IQANK1: variants seen among roughly 807,000 people sequenced by gnomAD.
IQANK1 encodes the protein IQ motif and ankyrin repeat containing 1, also known as IQ motif and ankyrin repeat domain-containing protein 1.
IQANK1 carries 30 observed loss-of-function variants against 22.6 expected under a neutral mutation model. That is an observed-to-expected ratio of 1.33 (90% CI 0.99 to 1.80). IQANK1 has a LOEUF of 1.80. IQANK1 is among the 40% of genes most tolerant of loss of function. The probability of loss-of-function intolerance (pLI) is 0.00; values close to 1 mark genes in which losing one functional copy is unlikely to be tolerated. For missense variants in IQANK1, 275 were observed against 235.2 expected (o/e 1.17, Z -1.11); for synonymous variants, 122 against 99.6 (o/e 1.23, Z -1.34).
At chr8:143,743,067 T>C in intron 3 of IQANK1, 1 of 455,792 alleles carries the variant, frequency 2.2e-6, no homozygotes, top group Non-Finnish European at 4.4e-6. Context: ...CCGTTGCTGC[T>C]ATAGCAGCCA....
chr8:143,749,969 T>G (rs1819156323), intron 3 of IQANK1, among the ~76,000 whole-genome samples: 1 of 151,874 alleles, frequency 6.6e-6, no homozygotes, highest in African/African-American at 2.4e-5. Flanking sequence ...CTTCTTTGTC[T>G]CTTGTGAACT....
chr8:143,779,168 C>T lies in IQANK1; in HGVS notation c.789+6686C>T, dbSNP rs1041602095. Among the ~76,000 whole-genome samples, 4 of 152,168 alleles carry T rather than the reference C, an allele frequency of 2.6e-5. No individual in the cohort carries two copies. In the South Asian group the frequency reaches 6.2e-4, roughly 24 times the overall value. On this transcript the variant is annotated intron_variant, in intron 7 of 13. Transcript: ENST00000527139. The stretch of plus-strand genomic sequence containing the variant: ...AATTTATAAACTTATAAGCTATCCA[C>T]TCATTAATGTGCCCATTCCACCCTT...
At chr8:143,753,449 G>A (rs1819234010) in intron 3 of IQANK1, among the ~76,000 whole-genome samples, 1 of 150,750 alleles carries the variant, frequency 6.6e-6, no homozygotes, top group South Asian at 2.1e-4. Context: ...TTATTTTTAG[G>A]GAAAGTTTCT....
At chr8:143,749,919 A>G (rs143371380) in intron 3 of IQANK1, among the ~76,000 whole-genome samples, 79 of 151,776 alleles carry the variant, frequency 5.2e-4, no homozygotes, top group African/African-American at 1.7e-3. Context: ...TAGTTATTAT[A>G]TATTCTTGCT....
At chr8:143,739,624 G>T (rs1239651138) in intron 2 of IQANK1, 10 of 420,202 alleles carry the variant, frequency 2.4e-5, no homozygotes, top group African/African-American at 1.4e-4. Context: ...GTGCCTTCCT[G>T]CGGGCTGGCT....
intron 3 of IQANK1, among the ~76,000 whole-genome samples, chr8:143,747,966 T>TCCTTTCCTTTCCTTTCCTTTCCTTTC (rs1554627406): frequency 7.2e-6 from 1 of 138,930 alleles, no homozygotes; most frequent in African/African-American, 3.0e-5. Context: ...TCCTTTCCTT[T>TCCTTTCCTTTCCTTTCCTTTCCTTTC]CCTTTCCCTT....
intron 3 of IQANK1, chr8:143,744,325 C>T (rs1252756531): frequency 7.2e-5 from 11 of 152,640 alleles, no homozygotes; most frequent in East Asian, 1.9e-4. Flanking sequence ...GACATTATTC[C>T]GCCCACCAGA....
chr8:143,771,792 G>A lies in IQANK1; in HGVS notation c.307-9G>A. 5.0e-6 allele frequency: 2 copies of A among 396,714 alleles called. No individual in the cohort carries two copies. The highest frequency in any genetic ancestry group is 1.3e-4 in the South Asian group (1 of 7,798). 24.6% of individuals were successfully genotyped at this position (396,714 alleles called of 1,614,324 possible). A position where few individuals can be genotyped will look rare whatever the true frequency, so the allele number is the denominator to read the frequency against. On this transcript the variant is annotated splice_polypyrimidine_tract_variant and intron_variant, in intron 4 of 13. Transcript: ENST00000527139. The surrounding 1 kb of genome is among the most constrained non-coding windows in gnomAD (Gnocchi z 6.0). The stretch of plus-strand genomic sequence containing the variant: ...GGAGTGGGCGGTGACTTCGGCGGGC[G>A]CCTCCCAGGCCTACCTGGCTCCGGT...
chr8:143,767,136 G>A (rs1356580582), intron 3 of IQANK1, among the ~76,000 whole-genome samples: 3 of 152,158 alleles, frequency 2.0e-5, no homozygotes, highest in Non-Finnish European at 4.4e-5. Flanking sequence ...TGGCTCTTTC[G>A]CAGATACATT....
At position 143,771,659 on chromosome 8, in the gene IQANK1, G is replaced by A; in HGVS notation, c.306+41G>A. On this transcript the variant is annotated intron_variant, in intron 4 of 13. Transcript: ENST00000527139. This position sits in a 1 kb window ranked among gnomAD's most constrained non-coding sequence, Gnocchi z 6.0. ...CGCAACAGCCGGGGGCCAGGCAGGAGGCAGGGGGAGGAAATGGCGAAGCAG... is the reference window on the plus strand; with the variant it reads ...CGCAACAGCCGGGGGCCAGGCAGGAAGCAGGGGGAGGAAATGGCGAAGCAG... 10 of 399,714 alleles carry A rather than the reference G, an allele frequency of 2.5e-5. No homozygotes were observed. The highest frequency in any genetic ancestry group is 3.5e-5 in the Non-Finnish European group (8 of 227,062). 24.8% of individuals were successfully genotyped at this position (399,714 alleles called of 1,614,324 possible).
At chr8:143,734,974 C>T (rs1322419400) in intron 1 of IQANK1, among the ~76,000 whole-genome samples, 1 of 152,184 alleles carries the variant, frequency 6.6e-6, no homozygotes, top group Non-Finnish European at 1.5e-5. Flanking sequence ...AACCACCACC[C>T]CTCGCCCCTG....
At chr8:143,761,660 G>T (rs1258068331) in intron 3 of IQANK1, among the ~76,000 whole-genome samples, 1 of 152,128 alleles carries the variant, frequency 6.6e-6, no homozygotes, top group Non-Finnish European at 1.5e-5. Context: ...TACTCCGGAG[G>T]CTGAGGTAGG....
intron 3 of IQANK1, among the ~76,000 whole-genome samples, chr8:143,768,229 G>A (rs1478704890): frequency 6.6e-6 from 1 of 151,974 alleles, no homozygotes; most frequent in African/African-American, 2.4e-5. Context: ...CAGAAATGAT[G>A]TTGTGTTTTT....
At chr8:143,757,339 CTTTTT>C (rs781980396) in intron 3 of IQANK1, among the ~76,000 whole-genome samples, 1 of 143,308 alleles carries the variant, frequency 7.0e-6, no homozygotes, top group Middle Eastern at 3.3e-3. Flanking sequence ...ATGTGTCTTT[CTTTTT>C]TTTTTTTTTT....
rs1036978751 is a variant in IQANK1 at position 143,771,023 on chromosome 8, T to C, written c.176-465T>C. ...GAGCCGGAGAGGACAGAGCTCCCTC[T>C]GGGGCCCTGGGCTCCGCGCCCTCTT... On this transcript the variant is annotated intron_variant, in intron 3 of 13. Transcript: ENST00000527139. The surrounding 1 kb of genome is among the most constrained non-coding windows in gnomAD (Gnocchi z 6.0). Among the ~76,000 whole-genome samples the C allele has an allele frequency of 2.0e-5, 3 of 152,124 alleles. No individual in the cohort carries two copies. Among genetic ancestry groups the C allele is most frequent in the African/African-American group, 7.2e-5 (3 of 41,452 alleles).
chr8:143,748,524 TG>T (rs1382183494), intron 3 of IQANK1, among the ~76,000 whole-genome samples: 12 of 127,358 alleles, frequency 9.4e-5, no homozygotes, highest in African/African-American at 3.4e-4. Flanking sequence ...TAAATATAGA[TG>T]ATATATATGA....
chr8:143,777,707 CAA>C (rs1819716247), intron 7 of IQANK1, among the ~76,000 whole-genome samples: 2 of 151,944 alleles, frequency 1.3e-5, no homozygotes, highest in Admixed American at 6.6e-5. Flanking sequence ...ACTACAATAT[CAA>C]AAGAGTTGGA....
chr8:143,753,572 A>G (rs1336794096), intron 3 of IQANK1, among the ~76,000 whole-genome samples: 9 of 148,660 alleles, frequency 6.1e-5, no homozygotes, highest in African/African-American at 1.7e-4. Flanking sequence ...TCCTGCCTCA[A>G]CCTCCCAAGT....
chr8:143,750,078 C>T (rs1332594279), intron 3 of IQANK1, among the ~76,000 whole-genome samples: 3 of 151,826 alleles, frequency 2.0e-5, no homozygotes, highest in Admixed American at 6.6e-5. Context: ...GTTCTCGGCT[C>T]ACTGCAACCT....
Sources: allele counts gnomAD v4.1 joint callset (sites outside exome capture counted in the v4.1 genomes callset), GRCh38; gene constraint gnomAD v4.1.1; non-coding constraint Gnocchi (gnomAD v3.1); transcripts MANE v1.5; gene names NCBI Gene and HGNC (gene_info 2026-07-23, HGNC 2026-07-21).